CLMP: variants seen among roughly 807,000 people sequenced by gnomAD.
CLMP encodes the protein CXADR-like membrane protein.
A neutral mutation model predicts 45.2 loss-of-function variants in CLMP; 27 were observed. That is an observed-to-expected ratio of 0.60 (90% CI 0.44 to 0.82). The LOEUF (loss-of-function observed/expected upper bound fraction) is 0.82. Ranked by LOEUF, CLMP falls within the 40% of genes least tolerant of loss-of-function variation. The pLI, the probability that CLMP is intolerant of heterozygous loss-of-function variation, is 0.00. For missense variants in CLMP, 403 were observed against 448.4 expected (o/e 0.90, Z 0.91); for synonymous variants, 167 against 171.4 (o/e 0.97, Z 0.20).
intron 1 of CLMP, among the ~76,000 whole-genome samples, chr11:123,119,681 A>T (rs1281687131): frequency 6.7e-6 from 1 of 148,312 alleles, no homozygotes; most frequent in African/African-American, 2.5e-5. Context: ...TTTATGTCTC[A>T]CATTATTTTG....
chr11:123,109,075 A>G (rs995954457), intron 1 of CLMP, among the ~76,000 whole-genome samples: 2 of 151,804 alleles, frequency 1.3e-5, no homozygotes, highest in Middle Eastern at 3.4e-3. Flanking sequence ...AAAAAAAAAA[A>G]AAAAAGAAAG....
At chr11:123,192,462 G>C (rs567980927) in intron 1 of CLMP, among the ~76,000 whole-genome samples, 3 of 152,258 alleles carry the variant, frequency 2.0e-5, no homozygotes, top group Admixed American at 6.5e-5. Flanking sequence ...AGGGTTACTC[G>C]GGTAGCAGTG....
chr11:123,167,299 CTTTT>C (rs775676279), intron 1 of CLMP, among the ~76,000 whole-genome samples: 4 of 152,082 alleles, frequency 2.6e-5, no homozygotes, highest in Non-Finnish European at 4.4e-5. Flanking sequence ...TTCTTTCTTT[CTTTT>C]GAGACGGAGT....
At chr11:123,192,017 A>C (rs1861914764) in intron 1 of CLMP, among the ~76,000 whole-genome samples, 1 of 152,334 alleles carries the variant, frequency 6.6e-6, no homozygotes, top group South Asian at 2.1e-4. Context: ...TGTATGGAGG[A>C]AGTGGCATTT....
chr11:123,106,417 GTGTGTGT>G (rs1860553836), intron 1 of CLMP, among the ~76,000 whole-genome samples: 1 of 106,378 alleles, frequency 9.4e-6, no homozygotes, highest in African/African-American at 3.5e-5. Flanking sequence ...GTGTGTGTGT[GTGTGTGT>G]GCGCGCGCGC....
chr11:123,177,856 A>G (rs1377612400), intron 1 of CLMP, among the ~76,000 whole-genome samples: 1 of 151,918 alleles, frequency 6.6e-6, no homozygotes, highest in East Asian at 1.9e-4. Context: ...ATTTTTATTT[A>G]ATTATTTTAT....
At chr11:123,135,437 A>G (rs1861058911) in intron 1 of CLMP, among the ~76,000 whole-genome samples, 1 of 152,146 alleles carries the variant, frequency 6.6e-6, no homozygotes, top group Non-Finnish European at 1.5e-5. Flanking sequence ...GGAACAGTGA[A>G]AAACGAAGTC....
At chr11:123,114,604 C>T (rs1860694903) in intron 1 of CLMP, among the ~76,000 whole-genome samples, 2 of 151,848 alleles carry the variant, frequency 1.3e-5, no homozygotes, top group African/African-American at 2.4e-5. Context: ...CACTCCCAGC[C>T]CTGCATTTTC....
intron 2 of CLMP, among the ~76,000 whole-genome samples, chr11:123,087,156 GGT>G (rs1339878254): frequency 6.6e-6 from 1 of 152,118 alleles, no homozygotes; most frequent in Non-Finnish European, 1.5e-5. Context: ...TGACCAACAT[GGT>G]GAAACCCCGT....
At chr11:123,106,924 G>C (rs1860568024) in intron 1 of CLMP, among the ~76,000 whole-genome samples, 1 of 151,924 alleles carries the variant, frequency 6.6e-6, no homozygotes, top group Non-Finnish European at 1.5e-5. Context: ...GGAGGCTGAG[G>C]CAGGAGAATG....
intron 1 of CLMP, among the ~76,000 whole-genome samples, 175 bp downstream of exon 1, chr11:123,194,738 G>A (rs1208166373): frequency 6.6e-6 from 1 of 152,230 alleles, no homozygotes; most frequent in Non-Finnish European, 1.5e-5. Flanking sequence ...CTCGATGGCC[G>A]ACTGGGCGGC....
chr11:123,083,593 A>G (rs570643351), intron 4 of CLMP, 87 bp downstream of exon 4: 1 of 1,339,696 alleles, frequency 7.5e-7, no homozygotes, highest in Non-Finnish European at 1.1e-6. Context: ...TTCAGGTCAC[A>G]TAGTGAGTTG....
intron 1 of CLMP, among the ~76,000 whole-genome samples, chr11:123,153,912 T>G (rs1861376438): frequency 6.6e-6 from 1 of 151,376 alleles, no homozygotes; most frequent in Admixed American, 6.6e-5. Context: ...TCTCGAACTC[T>G]TGAGCTCAAG....
chr11:123,108,080 G>A (rs1860585645), intron 1 of CLMP, among the ~76,000 whole-genome samples: 1 of 152,054 alleles, frequency 6.6e-6, no homozygotes, highest in Non-Finnish European at 1.5e-5. Context: ...GGGAGCACCT[G>A]GAAGCTAATG....
chr11:123,183,492 A>G (rs1380048919), intron 1 of CLMP, among the ~76,000 whole-genome samples: 1 of 151,950 alleles, frequency 6.6e-6, no homozygotes, highest in Non-Finnish European at 1.5e-5. Flanking sequence ...CGGCCTCCCA[A>G]AGTGCTGGAA....
chr11:123,193,478 G>A (rs528481642), intron 1 of CLMP, among the ~76,000 whole-genome samples: 5 of 152,306 alleles, frequency 3.3e-5, no homozygotes, highest in East Asian at 1.9e-4. Context: ...ATCCAGCTGC[G>A]CCAGATGTGC....
intron 3 of CLMP, 106 bp from the exon 4 acceptor site, chr11:123,083,953 T>A: frequency 7.5e-7 from 1 of 1,334,804 alleles, no homozygotes; most frequent in South Asian, 1.4e-5. Flanking sequence ...AGCCATCTGT[T>A]TTGGTCAACT....
chr11:123,074,630 T>C, intron 6 of CLMP, 72 bp downstream of exon 6: 2 of 1,445,754 alleles, frequency 1.4e-6, no homozygotes, highest in Non-Finnish European at 1.9e-6. Context: ...TGGGAACATT[T>C]ATGTTGGCTG....
chr11:123,113,659 A>G (rs559933414), intron 1 of CLMP, among the ~76,000 whole-genome samples: 3 of 152,302 alleles, frequency 2.0e-5, no homozygotes, highest in Non-Finnish European at 1.5e-5. Flanking sequence ...GGTGGTGGGA[A>G]GGAGGATGGT....
Sources: allele counts gnomAD v4.1 joint callset (sites outside exome capture counted in the v4.1 genomes callset), GRCh38; gene constraint gnomAD v4.1.1; transcripts MANE v1.5; gene names NCBI Gene and HGNC (gene_info 2026-07-23, HGNC 2026-07-21).